ZNF567: variants seen among roughly 807,000 people sequenced by gnomAD.
ZNF567 encodes zinc finger protein 567.
ZNF567 carries 36 observed loss-of-function variants against 53.9 expected under a neutral mutation model. That is an observed-to-expected ratio of 0.67 (90% CI 0.51 to 0.88). The LOEUF (loss-of-function observed/expected upper bound fraction) is 0.88. Ranked by LOEUF, ZNF567 falls within the 40% of genes least tolerant of loss-of-function variation. The pLI, the probability that ZNF567 is intolerant of heterozygous loss-of-function variation, is 0.00. For missense variants in ZNF567, 619 were observed against 764.7 expected (o/e 0.81, Z 2.25); for synonymous variants, 224 against 260.4 (o/e 0.86, Z 1.35).
chr19:36,712,641 T>C, intron 4 of ZNF567, 129 bp downstream of exon 4: 1 of 1,444,160 alleles, frequency 6.9e-7, no homozygotes, highest in Non-Finnish European at 9.7e-7. Flanking sequence ...AATGATTGTG[T>C]CTTCACTTAC....
rs1432601619 is a variant in ZNF567, at chr19:36,721,158, C to T, written c.*490C>T. The T allele has an allele frequency of 6.6e-6, 1 of 152,076 alleles. No individual in the cohort carries two copies. Among genetic ancestry groups the T allele is most frequent in the Non-Finnish European group, 1.5e-5 (1 of 68,026 alleles). 9.4% of individuals were successfully genotyped at this position (152,076 alleles called of 1,614,324 possible). A position where few individuals can be genotyped will look rare whatever the true frequency, so the allele number is the denominator to read the frequency against. ...TCAGACATCATGAATTATTTTGTGTCTTGCTTATTTCACTCAATTTTTTAA... is the reference window on the plus strand; with the variant it reads ...TCAGACATCATGAATTATTTTGTGTTTTGCTTATTTCACTCAATTTTTTAA... On this transcript the variant is annotated 3_prime_UTR_variant, in exon 6 of 6. Transcript: ENST00000682579.
intron 5 of ZNF567, among the ~76,000 whole-genome samples, chr19:36,715,791 A>G (rs1386620410): frequency 1.3e-5 from 2 of 151,800 alleles, no homozygotes; most frequent in East Asian, 3.9e-4. Context: ...AGCCTCCCAA[A>G]GTGCTGGGAT....
downstream of ZNF567, among the ~76,000 whole-genome samples, chr19:36,721,732 C>CTTTTTTTT: frequency 8.2e-6 from 1 of 121,672 alleles, no homozygotes; most frequent in Non-Finnish European, 1.6e-5. Context: ...GTACCAGAGT[C>CTTTTTTTT]TTTTTTTTTT....
intron 3 of ZNF567, among the ~76,000 whole-genome samples, chr19:36,705,162 T>C (rs2039427576): frequency 6.6e-6 from 1 of 152,178 alleles, no homozygotes; most frequent in African/African-American, 2.4e-5. Flanking sequence ...TTTAGTTTCA[T>C]GGATTTCTTC....
intron 2 of ZNF567, among the ~76,000 whole-genome samples, chr19:36,690,604 A>G (rs2038550656): frequency 6.6e-6 from 1 of 152,224 alleles, no homozygotes; most frequent in South Asian, 2.1e-4. Flanking sequence ...ACAAAACAAA[A>G]GAAACTATAA....
intron 3 of ZNF567, among the ~76,000 whole-genome samples, chr19:36,701,142 CAAAG>C (rs2039161259): frequency 6.6e-6 from 1 of 152,136 alleles, no homozygotes; most frequent in Non-Finnish European, 1.5e-5. Flanking sequence ...TCGTTGGTTT[CAAAG>C]AACATCTTGA....
At chr19:36,727,028 G>A (rs1281214441), downstream of ZNF567, 1 of 22,184 alleles carries the variant, frequency 4.5e-5, no homozygotes, top group African/African-American at 2.5e-4. Flanking sequence ...TTTTTCCTGT[G>A]CTTTTTCGTT....
chr19:36,688,320 CTG>C (rs1350028828), intron 1 of ZNF567, among the ~76,000 whole-genome samples: 8 of 152,132 alleles, frequency 5.3e-5, no homozygotes, highest in Admixed American at 2.0e-4. Flanking sequence ...ATGTGGCACA[CTG>C]TGTGACTTAG....
At chr19:36,667,816 A>AT in the ZNF567 span, among the ~76,000 whole-genome samples, 255 of 151,222 alleles carry the variant, frequency 1.7e-3, no homozygotes, top group African/African-American at 6.0e-3. Context: ...CGCCCGGCTA[A>AT]TTTTTTGTAT....
intron 2 of ZNF567, among the ~76,000 whole-genome samples, chr19:36,694,022 T>C (rs2038753838): frequency 6.6e-6 from 1 of 152,032 alleles, no homozygotes; most frequent in South Asian, 2.1e-4. Flanking sequence ...TCTCAAAAAA[T>C]AATAATAATT....
the ZNF567 span, chr19:36,668,600 C>T: frequency 6.6e-6 from 1 of 152,174 alleles, no homozygotes; most frequent in Non-Finnish European, 1.5e-5. Flanking sequence ...TAGATGTATG[C>T]ATAGGAGCGG....
intron 3 of ZNF567, among the ~76,000 whole-genome samples, chr19:36,704,335 C>A (rs945874881): frequency 1.3e-5 from 2 of 152,124 alleles, no homozygotes; most frequent in Non-Finnish European, 2.9e-5. Context: ...ACAGGAGAAT[C>A]GCTTGAACCC....
At chr19:36,674,080 C>T in the ZNF567 span, among the ~76,000 whole-genome samples, 2 of 152,202 alleles carry the variant, frequency 1.3e-5, no homozygotes, top group Non-Finnish European at 2.9e-5. Flanking sequence ...ATTTAACACA[C>T]TGTTTATTCT....
At chr19:36,670,595 A>G in the ZNF567 span, among the ~76,000 whole-genome samples, 1 of 152,146 alleles carries the variant, frequency 6.6e-6, no homozygotes, top group Non-Finnish European at 1.5e-5. Context: ...GCTTAAGGAT[A>G]TTAACACATC....
chr19:36,714,647 C>A, intron 5 of ZNF567: 1 of 382,300 alleles, frequency 2.6e-6, no homozygotes, highest in Non-Finnish European at 4.6e-6. Context: ...TCACTTAACA[C>A]AACCCAGGTT....
chr19:36,685,665 C>T (rs1277817614), upstream of ZNF567: 3 of 152,140 alleles, frequency 2.0e-5, no homozygotes, highest in Non-Finnish European at 4.4e-5. Flanking sequence ...AATCACTTTA[C>T]AAAACAGGTT....
downstream of ZNF567, chr19:36,727,382 ATT>A (rs566213603): frequency 5.1e-5 from 7 of 136,516 alleles, no homozygotes; most frequent in Non-Finnish European, 4.7e-5. Flanking sequence ...AAGTAGAGCA[ATT>A]TTTTTTTTTT....
At chr19:36,695,487 C>T (rs1693633991) in intron 3 of ZNF567, among the ~76,000 whole-genome samples, 1 of 152,082 alleles carries the variant, frequency 6.6e-6, no homozygotes, top group Non-Finnish European at 1.5e-5. Context: ...GAAGATTACG[C>T]TGCTGCACTC....
At chr19:36,695,980 A>G (rs2038865186) in intron 3 of ZNF567, among the ~76,000 whole-genome samples, 1 of 152,190 alleles carries the variant, frequency 6.6e-6, no homozygotes, top group South Asian at 2.1e-4. Context: ...TTGTACAAAA[A>G]ACTGAGAATC....
Sources: allele counts gnomAD v4.1 joint callset (sites outside exome capture counted in the v4.1 genomes callset), GRCh38; gene constraint gnomAD v4.1.1; transcripts MANE v1.5; gene names NCBI Gene and HGNC (gene_info 2026-07-23, HGNC 2026-07-21).